Variants in DYNC1I1 observed in about 807,000 individuals in gnomAD.
The protein encoded by DYNC1I1 is cytoplasmic dynein 1 intermediate chain 1.
In DYNC1I1, 43 loss-of-function variants were observed where a neutral mutation model predicts 86.6. The observed-to-expected ratio is 0.50, with a 90% confidence interval of 0.39 to 0.64. The LOEUF is 0.64. Among genes scored for constraint, DYNC1I1 ranks in the 30% least tolerant of loss-of-function variants. The probability of loss-of-function intolerance (pLI) is 0.00; values close to 1 mark genes in which losing one functional copy is unlikely to be tolerated. For missense variants in DYNC1I1, 604 were observed against 788.8 expected, an observed-to-expected ratio of 0.77 and a Z score of 2.81; for synonymous variants, 262 against 283.7, an observed-to-expected ratio of 0.92 and a Z score of 0.77.
intron 1 of DYNC1I1, among the ~76,000 whole-genome samples, chr7:95,797,140 C>T (rs569553079): frequency 5.9e-5 from 9 of 152,228 alleles, no homozygotes; most frequent in African/African-American, 1.9e-4. Flanking sequence ...ACACGCAAAG[C>T]CTTCTGCTAC....
intron 10 of DYNC1I1, among the ~76,000 whole-genome samples, chr7:96,007,598 G>A (rs1794171507): frequency 6.6e-6 from 1 of 152,158 alleles, no homozygotes; most frequent in African/African-American, 2.4e-5. Flanking sequence ...TACATCAGGA[G>A]AAATGAAAGT....
intron 14 of DYNC1I1, among the ~76,000 whole-genome samples, chr7:96,074,345 C>T (rs974142751): frequency 6.6e-6 from 1 of 151,906 alleles, no homozygotes; most frequent in African/African-American, 2.4e-5. Context: ...GTCAGGAGAT[C>T]GAGACCATCC....
At chr7:95,860,442 C>T (rs1789846713) in intron 5 of DYNC1I1, among the ~76,000 whole-genome samples, 2 of 152,274 alleles carry the variant, frequency 1.3e-5, no homozygotes, top group South Asian at 4.1e-4. Context: ...TCTATGGCAG[C>T]ATCTTTAATG....
Position 95,786,786 on chromosome 7 carries a change from C to T in DYNC1I1, c.-10+14013C>T, listed in dbSNP as rs1186030427. The stretch of plus-strand genomic sequence containing the variant: ...CCATCCTCCTTCCCCTTGGCCCCAC[C>T]ACTCCATTCCTGCAAAGTGTCACAG... On this transcript the variant is annotated intron_variant, in intron 1 of 16. Coordinates refer to ENST00000447467, the MANE Select transcript of DYNC1I1 (RefSeq NM_001135556.2). Among the ~76,000 whole-genome samples, 5 of 152,118 alleles carry T rather than the reference C, an allele frequency of 3.3e-5. No individual in the cohort carries two copies. The East Asian group carries it at 9.6e-4, about 29-fold the overall frequency.
At chr7:96,027,334 G>A (rs558274042) in intron 10 of DYNC1I1, among the ~76,000 whole-genome samples, 43 of 152,296 alleles carry the variant, frequency 2.8e-4, no homozygotes, top group African/African-American at 8.9e-4. Context: ...GAAAAGTACC[G>A]TAGGAATCAA....
At chr7:95,887,060 G>A (rs1790612360) in intron 6 of DYNC1I1, among the ~76,000 whole-genome samples, 1 of 152,152 alleles carries the variant, frequency 6.6e-6, no homozygotes, top group African/African-American at 2.4e-5. Context: ...GGCATAGGAG[G>A]TCCTCTACTC....
At chr7:95,864,610 T>A (rs1381092572) in intron 5 of DYNC1I1, among the ~76,000 whole-genome samples, 2 of 152,162 alleles carry the variant, frequency 1.3e-5, no homozygotes, top group Non-Finnish European at 2.9e-5. Flanking sequence ...CAAGGATCTG[T>A]GGTTCCACTG....
chr7:95,867,023 G>A (rs746273771), intron 5 of DYNC1I1, among the ~76,000 whole-genome samples: 17 of 152,162 alleles, frequency 1.1e-4, no homozygotes, highest in African/African-American at 1.7e-4. Context: ...CTCCACCTAC[G>A]TTTTGAAAAC....
chr7:95,798,828 A>G (rs1794508894), intron 1 of DYNC1I1, among the ~76,000 whole-genome samples: 1 of 152,174 alleles, frequency 6.6e-6, no homozygotes, highest in Non-Finnish European at 1.5e-5. Context: ...TTTGTTCTAA[A>G]TAGGACCAAA....
chr7:96,073,629 A>G (rs917273095), intron 14 of DYNC1I1, among the ~76,000 whole-genome samples: 1 of 152,206 alleles, frequency 6.6e-6, no homozygotes, highest in Non-Finnish European at 1.5e-5. Flanking sequence ...ATACCCTCAG[A>G]TATACTATCA....
chr7:95,951,716 C>T (rs994556883), intron 6 of DYNC1I1, among the ~76,000 whole-genome samples: 1 of 152,164 alleles, frequency 6.6e-6, no homozygotes, highest in Admixed American at 6.5e-5. Flanking sequence ...TCAAGGAGGA[C>T]GACTGCACGC....
At chr7:95,994,369 C>T (rs1009413125) in intron 9 of DYNC1I1, among the ~76,000 whole-genome samples, 1 of 152,058 alleles carries the variant, frequency 6.6e-6, no homozygotes, top group Non-Finnish European at 1.5e-5. Context: ...CTTTAATTGG[C>T]AGGACAGACA....
chr7:96,046,986 G>A (rs1789235542), intron 14 of DYNC1I1, among the ~76,000 whole-genome samples: 1 of 152,152 alleles, frequency 6.6e-6, no homozygotes, highest in African/African-American at 2.4e-5. Context: ...CTTAGAGTGG[G>A]TAACTTATAA....
chr7:95,818,676 C>A, intron 4 of DYNC1I1: 1 of 457,820 alleles, frequency 2.2e-6, no homozygotes, highest in Non-Finnish European at 3.9e-6. Context: ...AGAAACAACA[C>A]CTGTGTATTT....
intron 6 of DYNC1I1, among the ~76,000 whole-genome samples, chr7:95,950,611 T>G (rs1792526566): frequency 6.6e-6 from 1 of 152,206 alleles, no homozygotes; most frequent in Admixed American, 6.5e-5. Context: ...TCTGCAACTC[T>G]CATGGCAGAA....
chr7:95,896,709 A>G (rs1293552316), intron 6 of DYNC1I1, among the ~76,000 whole-genome samples: 1 of 152,210 alleles, frequency 6.6e-6, no homozygotes, highest in Non-Finnish European at 1.5e-5. Context: ...TTATTATTTC[A>G]TGGTGTTGCT....
At chr7:95,822,323 C>T (rs1031947322) in intron 4 of DYNC1I1, among the ~76,000 whole-genome samples, 19 of 152,100 alleles carry the variant, frequency 1.2e-4, no homozygotes, top group South Asian at 2.1e-4. Flanking sequence ...TAGTTGGTTA[C>T]GGCTAGTTTG....
chr7:95,807,710 T>A (rs1794734308), intron 2 of DYNC1I1, among the ~76,000 whole-genome samples: 1 of 152,154 alleles, frequency 6.6e-6, no homozygotes, highest in Non-Finnish European at 1.5e-5. Flanking sequence ...GTTAACTGCA[T>A]GTCTTTCCGT....
At chr7:95,976,943 T>G (rs1387733576) in intron 6 of DYNC1I1, among the ~76,000 whole-genome samples, 7 of 152,212 alleles carry the variant, frequency 4.6e-5, no homozygotes, top group African/African-American at 1.7e-4. Context: ...CATGAACTGC[T>G]CTGAATGTGT....
Sources: gnomAD v4.1 joint callset for allele counts (sites outside exome capture counted in the v4.1 genomes callset) on GRCh38, gnomAD v4.1.1 for gene constraint, MANE v1.5 for transcripts, NCBI Gene and HGNC (gene_info 2026-07-23, HGNC 2026-07-21) for gene names.